REDIC1: variants seen among roughly 807,000 people sequenced by gnomAD.
REDIC1 encodes the protein HEI10 Interacting Protein 1.
chr12:39,894,481 CAG>C, the REDIC1 span, among the ~76,000 whole-genome samples: 1 of 151,766 alleles, frequency 6.6e-6, no homozygotes, highest in Non-Finnish European at 1.5e-5. Flanking sequence ...GAATAACAAA[CAG>C]GGATAAAATT....
the REDIC1 span, among the ~76,000 whole-genome samples, chr12:39,768,394 T>G: frequency 2.0e-5 from 3 of 152,146 alleles, no homozygotes; most frequent in African/African-American, 7.2e-5. Flanking sequence ...AATTTTCTTT[T>G]GTAGTCACAA....
the REDIC1 span, among the ~76,000 whole-genome samples, chr12:39,741,111 G>T: frequency 6.6e-6 from 1 of 152,070 alleles, no homozygotes; most frequent in African/African-American, 2.4e-5. Context: ...GGATTACTGG[G>T]CTTCCTTACA....
At chr12:39,870,472 T>C in the REDIC1 span, among the ~76,000 whole-genome samples, 2 of 152,206 alleles carry the variant, frequency 1.3e-5, no homozygotes, top group Non-Finnish European at 2.9e-5. Flanking sequence ...ATTTTTCTTA[T>C]ATTAAGTAAA....
chr12:39,784,676 A>G, the REDIC1 span, among the ~76,000 whole-genome samples: 1 of 152,262 alleles, frequency 6.6e-6, no homozygotes, highest in Non-Finnish European at 1.5e-5. Context: ...CAAGGACTTC[A>G]TGACTAAAAC....
chr12:39,680,247 C>A, the REDIC1 span, among the ~76,000 whole-genome samples: 1 of 152,206 alleles, frequency 6.6e-6, no homozygotes, highest in East Asian at 1.9e-4. Context: ...AAAGGACTAA[C>A]ATCCAGAATC....
chr12:39,790,080 T>C, the REDIC1 span, among the ~76,000 whole-genome samples: 1 of 151,236 alleles, frequency 6.6e-6, no homozygotes, highest in Non-Finnish European at 1.5e-5. Context: ...AATTTCAATA[T>C]ATATTCAATA....
At chr12:39,686,197 G>A in the REDIC1 span, among the ~76,000 whole-genome samples, 1 of 152,198 alleles carries the variant, frequency 6.6e-6, no homozygotes, top group Non-Finnish European at 1.5e-5. Flanking sequence ...CCCCATTGGA[G>A]ACTCTCTGTG....
At chr12:39,826,486 T>TAC in the REDIC1 span, among the ~76,000 whole-genome samples, 6 of 151,274 alleles carry the variant, frequency 4.0e-5, no homozygotes, top group African/African-American at 1.5e-4. Context: ...TCTCTTACTA[T>TAC]ACTTTGAGTC....
the REDIC1 span, among the ~76,000 whole-genome samples, chr12:39,857,549 A>C: frequency 2.6e-5 from 4 of 152,272 alleles, no homozygotes; most frequent in Admixed American, 1.3e-4. Context: ...AAGTTCTTTT[A>C]ACCTTTCTCC....
chr12:39,776,736 C>CT, the REDIC1 span, among the ~76,000 whole-genome samples: 147,922 of 152,184 alleles, frequency 0.97, 71,892 homozygotes, highest in East Asian at 1. Flanking sequence ...AGACATTTTT[C>CT]TTTCTTTTTT....
At chr12:39,714,014 C>T in the REDIC1 span, among the ~76,000 whole-genome samples, 2 of 51,976 alleles carry the variant, frequency 3.8e-5, no homozygotes, top group African/African-American at 5.4e-5. Context: ...TGTGCATATA[C>T]GTTTATATAA....
chr12:39,799,963 C>A, the REDIC1 span, among the ~76,000 whole-genome samples: 2 of 152,166 alleles, frequency 1.3e-5, no homozygotes, highest in African/African-American at 4.8e-5. Context: ...TGCAGTGGAG[C>A]AGCTGATATG....
the REDIC1 span, among the ~76,000 whole-genome samples, chr12:39,668,729 T>C: frequency 1.2e-4 from 18 of 152,194 alleles, no homozygotes; most frequent in African/African-American, 4.1e-4. Flanking sequence ...CATAGTCCCA[T>C]ATTTCTTGGA....
the REDIC1 span, among the ~76,000 whole-genome samples, chr12:39,665,539 T>C: frequency 1.3e-5 from 2 of 150,284 alleles, no homozygotes; most frequent in African/African-American, 4.9e-5. Flanking sequence ...TGGCTTAGGA[T>C]TGACTTGGCG....
the REDIC1 span, among the ~76,000 whole-genome samples, chr12:39,648,970 A>G: frequency 1.3e-5 from 2 of 151,864 alleles, no homozygotes; most frequent in Admixed American, 6.6e-5. Flanking sequence ...GAATGATGCA[A>G]TGAAAGACAT....
the REDIC1 span, among the ~76,000 whole-genome samples, chr12:39,713,620 G>A: frequency 8.2e-5 from 12 of 146,536 alleles, no homozygotes; most frequent in East Asian, 2.0e-4. Flanking sequence ...ATGTATATAC[G>A]CATGTATACA....
At chr12:39,711,509 G>T in the REDIC1 span, among the ~76,000 whole-genome samples, 258 of 136,368 alleles carry the variant, frequency 1.9e-3, no homozygotes, top group African/African-American at 6.7e-3. Context: ...ATGTATATAT[G>T]TGTATATATG....
At chr12:39,785,357 G>T in the REDIC1 span, among the ~76,000 whole-genome samples, 4 of 152,332 alleles carry the variant, frequency 2.6e-5, no homozygotes, top group South Asian at 8.3e-4. Flanking sequence ...CTAAGCCTTG[G>T]CAGCTTCCAT....
the REDIC1 span, among the ~76,000 whole-genome samples, chr12:39,734,299 C>T: frequency 1.3e-5 from 2 of 152,158 alleles, no homozygotes; most frequent in African/African-American, 4.8e-5. Flanking sequence ...GCAGAAATCA[C>T]CCACCTTCTG....
Sources: allele counts gnomAD v4.1 joint callset (sites outside exome capture counted in the v4.1 genomes callset), GRCh38; gene constraint gnomAD v4.1.1; transcripts MANE v1.5; gene names NCBI Gene and HGNC (gene_info 2026-07-23, HGNC 2026-07-21).